KCNMB2: variants seen among roughly 807,000 people sequenced by gnomAD.
KCNMB2 encodes calcium-activated potassium channel subunit beta-2.
In KCNMB2, 9 loss-of-function variants were observed where a neutral mutation model predicts 24.5. The observed-to-expected ratio is 0.37, with a 90% CI of 0.22 to 0.64. The LOEUF is 0.64. Ranked by LOEUF, KCNMB2 falls within the 30% of genes least tolerant of loss-of-function variation. The probability of loss-of-function intolerance (pLI) is 0.63; values close to 1 mark genes in which losing one functional copy is unlikely to be tolerated. For missense variants in KCNMB2, 226 were observed against 284.3 expected (o/e 0.79, Z 1.47); for synonymous variants, 109 against 104.4 (o/e 1.04, Z -0.27).
Position 178,633,229 on chromosome 3 carries a change from C to T in KCNMB2, c.-68+96518C>T, listed in dbSNP as rs1256944766. 1.3e-5 allele frequency among the ~76,000 whole-genome samples: 2 copies of T among 152,184 alleles called. 1 individual carries two copies. The highest frequency in any genetic ancestry group is 2.9e-5 in the Non-Finnish European group (2 of 68,024). ...TTCTGGGGTCTGAAGAATGGTGGCCCTCTTCTCACAGATCCACTAGGCAGT... is the reference window on the plus strand; with the variant it reads ...TTCTGGGGTCTGAAGAATGGTGGCCTTCTTCTCACAGATCCACTAGGCAGT... On this transcript the variant is annotated intron_variant, in intron 1 of 4. Transcript: ENST00000452583.
chr3:178,614,435 A>C (rs1718633059), intron 1 of KCNMB2, among the ~76,000 whole-genome samples: 1 of 150,180 alleles, frequency 6.7e-6, no homozygotes, highest in South Asian at 2.1e-4. Flanking sequence ...TCATGTCTTC[A>C]TGGTGGCAGA....
intron 1 of KCNMB2, among the ~76,000 whole-genome samples, chr3:178,769,226 C>T (rs1014731846): frequency 2.0e-5 from 3 of 152,180 alleles, no homozygotes; most frequent in Non-Finnish European, 2.9e-5. Flanking sequence ...CCATTATTTT[C>T]CCATTAAAGT....
chr3:178,769,314 A>T (rs73183324), intron 1 of KCNMB2, among the ~76,000 whole-genome samples: 1 of 152,286 alleles, frequency 6.6e-6, no homozygotes, highest in Non-Finnish European at 1.5e-5. Flanking sequence ...GTGTTCTATC[A>T]TGTCTTATGG....
chr3:178,618,713 T>C (rs1718803000), intron 1 of KCNMB2, among the ~76,000 whole-genome samples: 1 of 152,240 alleles, frequency 6.6e-6, no homozygotes, highest in Admixed American at 6.5e-5. Context: ...TTTCTACTGC[T>C]TTTTATAGCC....
At position 178,654,710 on chromosome 3, in the gene KCNMB2, T is replaced by A. The variant is rs935949734; in HGVS notation, c.-68+117999T>A. 5.9e-5 allele frequency among the ~76,000 whole-genome samples: 9 copies of A among 152,258 alleles called. No homozygotes were observed. The East Asian group carries it at 1.7e-3, about 29-fold the overall frequency. ...TTTTTGTTTTTTAAGTGTAGAGAGT[T>A]TTTGGTAAGGAAAACACAAGAGGCG... On this transcript the variant is annotated intron_variant, in intron 1 of 4. Transcript: ENST00000452583.
At chr3:178,624,594 C>CTTTTTT (rs770228080) in intron 1 of KCNMB2, among the ~76,000 whole-genome samples, 6 of 44,186 alleles carry the variant, frequency 1.4e-4, no homozygotes, top group African/African-American at 7.0e-4. Flanking sequence ...TTCTTTTTTT[C>CTTTTTT]TTTCTTTTTT....
chr3:178,766,578 T>C (rs1339742501), intron 1 of KCNMB2, among the ~76,000 whole-genome samples: 1 of 152,218 alleles, frequency 6.6e-6, no homozygotes, highest in Admixed American at 6.5e-5. Flanking sequence ...ATTGCTGTTT[T>C]ATTTTCCTAT....
intron 1 of KCNMB2, among the ~76,000 whole-genome samples, chr3:178,632,750 A>G (rs1719367265): frequency 6.6e-6 from 1 of 152,172 alleles, no homozygotes; most frequent in African/African-American, 2.4e-5. Flanking sequence ...CCTTCCCAAC[A>G]GTTCCCCAAA....
At chr3:178,684,997 C>CA (rs1721413810) in intron 1 of KCNMB2, among the ~76,000 whole-genome samples, 1 of 152,296 alleles carries the variant, frequency 6.6e-6, no homozygotes, top group African/African-American at 2.4e-5. Context: ...GAAATGCATA[C>CA]ATCTTTTATC....
chr3:178,646,624 G>A lies in KCNMB2; in HGVS notation c.-68+109913G>A, dbSNP rs112050048. ...AAGCGAGGCTGAAACAATCCTTTCC[G>A]ACCAGCAGGTCTGAGAATTAGTTAG... is the stretch of plus-strand genomic sequence containing the variant. On this transcript the variant is annotated intron_variant, in intron 1 of 4. Coordinates refer to ENST00000452583, the MANE Select transcript of KCNMB2 (RefSeq NM_181361.3). 5.7e-4 allele frequency among the ~76,000 whole-genome samples: 87 copies of A among 152,296 alleles called. 1 individual carries two copies. Among genetic ancestry groups the A allele is most frequent in the African/African-American group, 1.9e-3 (81 of 41,546 alleles).
chr3:178,723,390 C>T (rs1232276688), intron 1 of KCNMB2, among the ~76,000 whole-genome samples: 1 of 152,164 alleles, frequency 6.6e-6, no homozygotes, highest in Non-Finnish European at 1.5e-5. Flanking sequence ...CTTTCATCAG[C>T]ATTTTGTAGT....
chr3:178,768,121 T>G (rs1175195404), intron 1 of KCNMB2, among the ~76,000 whole-genome samples: 1 of 152,182 alleles, frequency 6.6e-6, no homozygotes, highest in Admixed American at 6.5e-5. Context: ...TATTCAAAGA[T>G]TATTTTAGCA....
intron 1 of KCNMB2, among the ~76,000 whole-genome samples, chr3:178,575,820 T>A (rs538809044): frequency 7.2e-5 from 11 of 152,288 alleles, no homozygotes; most frequent in African/African-American, 2.4e-4. Flanking sequence ...AATTTTTATG[T>A]CCATATATTT....
chr3:178,583,379 A>G (rs533753703), intron 1 of KCNMB2, among the ~76,000 whole-genome samples: 9 of 152,334 alleles, frequency 5.9e-5, no homozygotes, highest in African/African-American at 1.9e-4. Context: ...TAAGTTATAC[A>G]AATATAAAAA....
chr3:178,648,599 T>C (rs1365010295), intron 1 of KCNMB2, among the ~76,000 whole-genome samples: 1 of 152,222 alleles, frequency 6.6e-6, no homozygotes, highest in Non-Finnish European at 1.5e-5. Context: ...CTTTGTTCTC[T>C]TAACACTTCT....
intron 1 of KCNMB2, among the ~76,000 whole-genome samples, chr3:178,603,858 AC>A (rs1223115128): frequency 2.0e-5 from 3 of 152,180 alleles, no homozygotes; most frequent in African/African-American, 7.2e-5. Flanking sequence ...GGGGAAAGCA[AC>A]CATGAAGGCT....
chr3:178,597,121 TAAAC>T (rs977522764), intron 1 of KCNMB2, among the ~76,000 whole-genome samples: 2 of 152,118 alleles, frequency 1.3e-5, no homozygotes, highest in African/African-American at 4.8e-5. Context: ...CTACCTGACT[TAAAC>T]AGGCATCATG....
chr3:178,735,467 G>A (rs767241473), intron 1 of KCNMB2, among the ~76,000 whole-genome samples: 5 of 152,322 alleles, frequency 3.3e-5, no homozygotes, highest in Middle Eastern at 3.4e-3. Context: ...GCGAGCCAAC[G>A]CACACTCTGA....
chr3:178,559,273 G>A (rs1716230749), intron 1 of KCNMB2, among the ~76,000 whole-genome samples: 2 of 151,994 alleles, frequency 1.3e-5, no homozygotes, highest in East Asian at 1.9e-4. Flanking sequence ...TGGATTTAGG[G>A]TTATTCTTGA....
Sources: gnomAD v4.1 joint callset for allele counts (sites outside exome capture counted in the v4.1 genomes callset) on GRCh38, gnomAD v4.1.1 for gene constraint, MANE v1.5 for transcripts, NCBI Gene and HGNC (gene_info 2026-07-23, HGNC 2026-07-21) for gene names.